Variants in ANKFN1 observed in about 807,000 individuals in gnomAD.
ANKFN1 encodes ankyrin repeat and fibronectin type-III domain-containing protein 1.
ANKFN1 carries 74 observed loss-of-function variants against 108.7 expected under a neutral mutation model. The ratio of observed to expected loss-of-function variants is 0.68; its 90% confidence interval spans 0.56 to 0.83. ANKFN1 has a LOEUF of 0.83. ANKFN1 is among the 40% of genes least tolerant of loss of function. The probability of loss-of-function intolerance (pLI) is 0.00; values close to 1 mark genes in which losing one functional copy is unlikely to be tolerated. For synonymous variants in ANKFN1, 547 were observed against 516.2 expected (o/e 1.06, Z -0.81); for missense variants, 1,505 against 1,382.3 (o/e 1.09, Z -1.41).
chr17:56,174,202 T>C lies in ANKFN1; in HGVS notation c.-71+20672T>C, dbSNP rs756169100. The C allele has an allele frequency of 4.0e-4, 394 of 985,518 alleles. 1 individual carries two copies. The highest frequency in any genetic ancestry group is 4.6e-4 in the Non-Finnish European group (381 of 830,074). 61.0% of individuals were successfully genotyped at this position (985,518 alleles called of 1,614,324 possible). A position where few individuals can be genotyped will look rare whatever the true frequency, so the allele number is the denominator to read the frequency against. On this transcript the variant is annotated intron_variant, in intron 1 of 20. Coordinates refer to ENST00000682825, the MANE Select transcript of ANKFN1 (RefSeq NM_001370326.1). The stretch of plus-strand genomic sequence containing the variant: ...TTCCTGGGCTGGCCACAGAGCCAGA[T>C]GCCTGCAGGGTTCTCTCTTTGCCAG...
chr17:56,181,579 A>C (rs923035793), intron 1 of ANKFN1, among the ~76,000 whole-genome samples: 3 of 152,186 alleles, frequency 2.0e-5, no homozygotes, highest in Admixed American at 6.5e-5. Context: ...TGAATTTCCA[A>C]TCATCCATTA....
At chr17:56,358,675 T>A (rs1397060859) in intron 6 of ANKFN1, among the ~76,000 whole-genome samples, 5 of 152,184 alleles carry the variant, frequency 3.3e-5, no homozygotes, top group Non-Finnish European at 7.4e-5. Flanking sequence ...TCTTGCAGAC[T>A]GATGTGCTGA....
At chr17:56,160,418 TTTC>T (rs1302069803) in intron 1 of ANKFN1, among the ~76,000 whole-genome samples, 2 of 152,208 alleles carry the variant, frequency 1.3e-5, no homozygotes, top group Admixed American at 6.5e-5. Context: ...TCTTCCTTTC[TTTC>T]TTTTTTCTTT....
At chr17:56,267,095 C>G (rs1404733115) in intron 3 of ANKFN1, among the ~76,000 whole-genome samples, 3 of 152,100 alleles carry the variant, frequency 2.0e-5, no homozygotes, top group Non-Finnish European at 4.4e-5. Flanking sequence ...CAAGTAGGCC[C>G]CAGTGTCCCT....
chr17:56,288,670 A>G (rs2044281349), intron 3 of ANKFN1, among the ~76,000 whole-genome samples: 1 of 152,156 alleles, frequency 6.6e-6, no homozygotes, highest in Non-Finnish European at 1.5e-5. Flanking sequence ...ATAACCATGG[A>G]AAAATGCTAG....
intron 8 of ANKFN1, among the ~76,000 whole-genome samples, chr17:56,410,612 G>T (rs2048063292): frequency 6.6e-6 from 1 of 152,092 alleles, no homozygotes; most frequent in South Asian, 2.1e-4. Flanking sequence ...ACCAAGCAGT[G>T]CAATAGATCA....
At chr17:56,295,238 A>G (rs2044474597) in intron 3 of ANKFN1, among the ~76,000 whole-genome samples, 1 of 152,214 alleles carries the variant, frequency 6.6e-6, no homozygotes, top group African/African-American at 2.4e-5. Context: ...CATCCTTTCT[A>G]GTTGTATCAC....
chr17:56,456,773 A>G, intron 11 of ANKFN1, 88 bp from the exon 12 acceptor site: 2 of 997,552 alleles, frequency 2.0e-6, no homozygotes, highest in Non-Finnish European at 3.2e-6. Flanking sequence ...GGGATGGGGG[A>G]GGGGAAGGCA....
intron 8 of ANKFN1, among the ~76,000 whole-genome samples, chr17:56,438,185 A>G (rs2048986762): frequency 6.6e-6 from 1 of 152,186 alleles, no homozygotes; most frequent in Non-Finnish European, 1.5e-5. Context: ...TCTCGTTTTT[A>G]CAGAAATAAG....
chr17:56,327,015 T>C (rs963972905), intron 4 of ANKFN1, among the ~76,000 whole-genome samples: 2 of 152,144 alleles, frequency 1.3e-5, no homozygotes, highest in African/African-American at 4.8e-5. Flanking sequence ...CATAAAGATA[T>C]GGTTGCTGAG....
intron 8 of ANKFN1, among the ~76,000 whole-genome samples, chr17:56,407,558 G>A (rs191384341): frequency 3.9e-5 from 6 of 152,216 alleles, no homozygotes; most frequent in African/African-American, 1.2e-4. Flanking sequence ...GGCTTTTATT[G>A]TTCTGTAAGC....
chr17:56,449,021 A>G (rs1181790708), intron 10 of ANKFN1, 58 bp from the exon 11 acceptor site: 2 of 1,480,746 alleles, frequency 1.4e-6, no homozygotes, highest in Non-Finnish European at 1.9e-6. Context: ...GACGCAGGGC[A>G]AGGAAGAGGC....
chr17:56,276,197 A>C (rs924145091), intron 3 of ANKFN1, among the ~76,000 whole-genome samples: 3 of 152,116 alleles, frequency 2.0e-5, no homozygotes, highest in Non-Finnish European at 4.4e-5. Flanking sequence ...ACATGAGCTC[A>C]TGGAATACTG....
chr17:56,221,697 C>T (rs1024781310), intron 2 of ANKFN1, among the ~76,000 whole-genome samples: 30 of 152,216 alleles, frequency 2.0e-4, no homozygotes, highest in African/African-American at 7.0e-4. Flanking sequence ...TGTGACAAAG[C>T]GATTTCGAAC....
At chr17:56,485,251 G>A (rs776190403) in intron 18 of ANKFN1, among the ~76,000 whole-genome samples, 55 of 152,192 alleles carry the variant, frequency 3.6e-4, no homozygotes, top group Admixed American at 7.9e-4. Context: ...TATCAGAGAA[G>A]TGAAGGTCAT....
chr17:56,133,993 G>C (rs1172267981), intron 4 of ANKFN1, among the ~76,000 whole-genome samples: 2 of 152,062 alleles, frequency 1.3e-5, no homozygotes, highest in Non-Finnish European at 2.9e-5. Context: ...CCCAACTTTT[G>C]ATGCCAATCG....
chr17:56,267,575 G>A (rs2043685416), intron 3 of ANKFN1, among the ~76,000 whole-genome samples: 1 of 152,120 alleles, frequency 6.6e-6, no homozygotes, highest in African/African-American at 2.4e-5. Context: ...TTTGTGTATG[G>A]TGAAAGGAAG....
rs145013436 is a variant in ANKFN1, at chr17:56,246,831, C to T, written c.53+18874C>T. 2.5e-3 allele frequency among the ~76,000 whole-genome samples: 378 copies of T among 151,942 alleles called. 2 individuals are homozygous for T. Among genetic ancestry groups the T allele is most frequent in the Non-Finnish European group, 3.3e-3 (225 of 67,966 alleles). On this transcript the variant is annotated intron_variant, in intron 3 of 20. Coordinates refer to ENST00000682825, the MANE Select transcript of ANKFN1 (RefSeq NM_001370326.1). ...ACGTGAATGTTAAAGGGTAGACATACATGTTGTAGGGGAGTTTCTATTCAG... is the reference window on the plus strand; with the variant it reads ...ACGTGAATGTTAAAGGGTAGACATATATGTTGTAGGGGAGTTTCTATTCAG...
At chr17:56,188,074 G>A (rs1221085224) in intron 1 of ANKFN1, among the ~76,000 whole-genome samples, 1 of 151,960 alleles carries the variant, frequency 6.6e-6, no homozygotes, top group East Asian at 1.9e-4. Context: ...AGAACTTAAA[G>A]TATAAGAATC....
Sources: allele counts gnomAD v4.1 joint callset (sites outside exome capture counted in the v4.1 genomes callset), GRCh38; gene constraint gnomAD v4.1.1; transcripts MANE v1.5; gene names NCBI Gene and HGNC (gene_info 2026-07-23, HGNC 2026-07-21).